AP3B2: variants seen among roughly 807,000 people sequenced by gnomAD.
The protein encoded by AP3B2 is adaptor related protein complex 3 subunit beta 2, also known as AP-3 complex subunit beta-2.
A neutral mutation model predicts 126.9 loss-of-function variants in AP3B2; 50 were observed. The ratio of observed to expected loss-of-function variants is 0.39; its 90% CI spans 0.31 to 0.50. The LOEUF is 0.50. Ranked by LOEUF, AP3B2 falls within the 20% of genes least tolerant of loss-of-function variation. The pLI is 0.79. For synonymous variants in AP3B2, 541 were observed against 565.0 expected (o/e 0.96, Z 0.60); for missense variants, 1,177 against 1,426.4 (o/e 0.83, Z 2.82).
At chr15:82,669,082 T>C (rs887674793) in intron 14 of AP3B2, among the ~76,000 whole-genome samples, 6 of 152,214 alleles carry the variant, frequency 3.9e-5, no homozygotes, top group African/African-American at 2.4e-5. Flanking sequence ...CTGGTGTTCA[T>C]GCCTTTGTGC....
At chr15:82,686,015 T>C (rs1160271228) in intron 4 of AP3B2, 1 of 152,220 alleles carries the variant, frequency 6.6e-6, no homozygotes, top group Non-Finnish European at 1.5e-5. Context: ...AGAAGGTTTA[T>C]TAACAGATCA....
intron 4 of AP3B2, among the ~76,000 whole-genome samples, chr15:82,683,049 T>TG (rs1567267378): frequency 4.5e-5 from 3 of 66,686 alleles, no homozygotes; most frequent in East Asian, 3.9e-4. Flanking sequence ...CACCAGGAGT[T>TG]TTTTTTTTTT....
At chr15:82,702,293 G>T (rs1259212489) in intron 1 of AP3B2, among the ~76,000 whole-genome samples, 1 of 152,082 alleles carries the variant, frequency 6.6e-6, no homozygotes, top group Non-Finnish European at 1.5e-5. Flanking sequence ...CCACAAATTT[G>T]CTTGTAACAT....
At position 82,673,106 on chromosome 15, in the gene AP3B2, C is replaced by T. The variant is rs184478458; in HGVS notation, c.1665+3355G>A. Among the ~76,000 whole-genome samples, 233 of 152,272 alleles carry T rather than the reference C, an allele frequency of 1.5e-3. 1 individual carries two copies. The highest frequency in any genetic ancestry group is 5.4e-3 in the African/African-American group (223 of 41,534). ...GACCCATAGACACTGAGAAAATAAA[C>T]GTGTGTTGTTTGAAGCCACCAAATT... On this transcript the variant is annotated intron_variant, in intron 14 of 26. Transcript: ENST00000535359.
chr15:82,696,682 T>C (rs1263734740), intron 1 of AP3B2, among the ~76,000 whole-genome samples: 1 of 152,216 alleles, frequency 6.6e-6, no homozygotes, highest in African/African-American at 2.4e-5. Flanking sequence ...CCCCTACAGA[T>C]AGACACAGCC....
intron 1 of AP3B2, among the ~76,000 whole-genome samples, chr15:82,705,285 C>T (rs1420403207): frequency 6.6e-6 from 1 of 152,154 alleles, no homozygotes; most frequent in Admixed American, 6.5e-5. Flanking sequence ...TTATCACTCG[C>T]CTGTTACAGC....
chr15:82,662,675 C>T lies in AP3B2; in HGVS notation c.2833+19G>A. 1 of 1,596,636 alleles carries T rather than the reference C, an allele frequency of 6.3e-7. No individual in the cohort carries two copies. The highest frequency in any genetic ancestry group is 8.5e-7 in the Non-Finnish European group (1 of 1,170,424). ...TGCCCAGGAGCCTCCTCCTCCACCC[C>T]ATCCAAAGCCCTTCGCACCAATTTC... On this transcript the variant is annotated intron_variant, in intron 23 of 26. Coordinates refer to ENST00000535359, the MANE Select transcript of AP3B2 (RefSeq NM_001278512.2).
chr15:82,680,119 A>G lies in AP3B2; in HGVS notation c.1110+56T>C. On this transcript the variant is annotated intron_variant, in intron 9 of 26. Coordinates refer to ENST00000535359, the MANE Select transcript of AP3B2 (RefSeq NM_001278512.2). The surrounding 1 kb of genome is among the most constrained non-coding windows in gnomAD (Gnocchi z 6.1). ...CGGTCCCAGCCCCGACAACGCCTCC[A>G]GTGCCCGCAGAAGCGGCCCTCGGAC... The G allele has an allele frequency of 6.2e-7, 1 of 1,607,428 alleles. No individual in the cohort carries two copies. The highest frequency in any genetic ancestry group is 8.5e-7 in the Non-Finnish European group (1 of 1,176,990).
chr15:82,701,800 G>C (rs557115814), intron 1 of AP3B2, among the ~76,000 whole-genome samples: 1 of 152,328 alleles, frequency 6.6e-6, no homozygotes, highest in South Asian at 2.1e-4. Context: ...TGCTGGGAAA[G>C]AAATAATCTA....
At position 82,676,584 on chromosome 15, in the gene AP3B2, A is replaced by G; in HGVS notation, c.1542T>C (p.His514=). Residue 514 remains histidine, a synonymous_variant, in exon 14 of 27, where the codon CAT becomes CAC. Transcript: ENST00000535359. ...ILWLIGEYCE[H]VPRIAPDVLR... is the part of the protein sequence containing the mutation. ...AGACATCAGGTGCAATCCTGGGGACATGCTCACAGTACTCTCCGATGAGCC... is the reference window on the plus strand; with the variant it reads ...AGACATCAGGTGCAATCCTGGGGACGTGCTCACAGTACTCTCCGATGAGCC... 3 of 1,614,030 alleles carry G rather than the reference A, an allele frequency of 1.9e-6. No homozygotes were observed. Among genetic ancestry groups the G allele is most frequent in the Non-Finnish European group, 2.5e-6 (3 of 1,179,900 alleles).
chr15:82,688,960 C>CACCCTTT, intron 3 of AP3B2, 129 bp from the exon 4 acceptor site: 1 of 1,006,062 alleles, frequency 9.9e-7, no homozygotes, highest in Non-Finnish European at 1.5e-6. Context: ...TGGGGGAGAG[C>CACCCTTT]ACCCCTGAGT....
intron 22 of AP3B2, 79 bp downstream of exon 22, chr15:82,663,048 C>A (rs569646880): frequency 6.1e-6 from 9 of 1,484,078 alleles, no homozygotes; most frequent in Middle Eastern, 2.4e-4. Context: ...CACCCACCCC[C>A]CACACACATC....
Position 82,677,378 on chromosome 15 carries a change from C to A in AP3B2, c.1384G>T (p.Val462Leu), listed in dbSNP as rs1192998381. Residue 462 changes from valine (V) to leucine (L), a missense_variant, in exon 13 of 27, where the codon GTG (valine) becomes TTG (leucine). Physicochemically the swap from Val to Leu is conservative, Grantham distance 32. Around this residue, in one of 5 missense-constraint regions of AP3B2, gnomAD observed 308 missense variants for 452.4 expected, o/e 0.68. Coordinates refer to ENST00000535359, the MANE Select transcript of AP3B2 (RefSeq NM_001278512.2). Reference protein sequence around the residue: ...VQLLSNRDELVVAESVVVIKK... With the variant: ...VQLLSNRDELLVAESVVVIKK... Reference sequence around the variant, plus strand: ...ATGACGACCACTGACTCTGCAACCACAAGCTCTACAGAACAAAAATGAGTG... The same window carrying A: ...ATGACGACCACTGACTCTGCAACCAAAAGCTCTACAGAACAAAAATGAGTG... 4 of 1,613,514 alleles carry A rather than the reference C, an allele frequency of 2.5e-6. No individual in the cohort carries two copies. The highest frequency in any genetic ancestry group is 3.4e-6 in the Non-Finnish European group (4 of 1,179,772).
At chr15:82,662,588 C>A (rs947427969) in intron 23 of AP3B2, 106 bp downstream of exon 23, 1 of 1,054,848 alleles carries the variant, frequency 9.5e-7, no homozygotes, top group Non-Finnish European at 1.4e-6. Context: ...TCTCTGTGCC[C>A]CTATAGCTTG....
chr15:82,695,554 A>C (rs2048617671), intron 1 of AP3B2, among the ~76,000 whole-genome samples: 1 of 152,130 alleles, frequency 6.6e-6, no homozygotes, highest in African/African-American at 2.4e-5. Context: ...ACTGTGGAAC[A>C]TGTGAAGGTG....
chr15:82,702,454 T>C (rs2048733218), intron 1 of AP3B2, among the ~76,000 whole-genome samples: 3 of 152,196 alleles, frequency 2.0e-5, no homozygotes, highest in Admixed American at 6.5e-5. Flanking sequence ...CCTGAAGTAA[T>C]TGAAGAATCA....
intron 21 of AP3B2, 110 bp from the exon 22 acceptor site, chr15:82,663,343 A>G (rs772357236): frequency 3.3e-5 from 34 of 1,042,684 alleles, no homozygotes; most frequent in African/African-American, 4.7e-5. Context: ...AGCGGGGCAC[A>G]TGGCTGCCTG....
Position 82,664,952 on chromosome 15 carries a change from G to C in AP3B2, c.2029-9C>G. On this transcript the variant is annotated splice_polypyrimidine_tract_variant and intron_variant, in intron 17 of 26. Coordinates refer to ENST00000535359, the MANE Select transcript of AP3B2 (RefSeq NM_001278512.2). The surrounding 1 kb of genome is among the most constrained non-coding windows in gnomAD (Gnocchi z 4.5). ...TTGGTCCATTCAGGTACCTGGAGAT[G>C]GGGGTAGGGTGCAGGGTCATTTCAT... 6.3e-7 allele frequency: 1 copy of C among 1,587,260 alleles called. No individual in the cohort carries two copies. The highest frequency in any genetic ancestry group is 1.1e-5 in the South Asian group (1 of 88,136).
intron 11 of AP3B2, 57 bp downstream of exon 11, chr15:82,678,048 C>A: frequency 1.9e-6 from 3 of 1,580,964 alleles, no homozygotes; most frequent in Non-Finnish European, 2.6e-6. Context: ...CCCACCAGGG[C>A]ACAAGGATCT....
Sources: gnomAD v4.1 joint callset for allele counts (sites outside exome capture counted in the v4.1 genomes callset) on GRCh38, gnomAD v4.1.1 for gene constraint, gnomAD v4.1.1 regional missense constraint, Gnocchi (gnomAD v3.1) non-coding constraint, MANE v1.5 for transcripts, NCBI Gene and HGNC (gene_info 2026-07-23, HGNC 2026-07-21) for gene names.